CHL1: variants seen among roughly 807,000 people sequenced by gnomAD.
CHL1 encodes the protein neural cell adhesion molecule L1-like protein.
In CHL1, 96 loss-of-function variants were observed where a neutral mutation model predicts 141.9. The observed-to-expected ratio is 0.68, with a 90% CI of 0.57 to 0.80. CHL1 has a LOEUF of 0.80. CHL1 is among the 30% of genes least tolerant of loss of function. CHL1 has a pLI of 0.00. For missense variants in CHL1, 1,820 were observed against 1,457.2 expected, an observed-to-expected ratio of 1.25 and a Z score of -4.05; for synonymous variants, 613 against 502.2, an observed-to-expected ratio of 1.22 and a Z score of -2.95.
At chr3:315,776 G>T (rs142312656) in intron 2 of CHL1, among the ~76,000 whole-genome samples, 82 of 152,140 alleles carry the variant, frequency 5.4e-4, no homozygotes, top group African/African-American at 1.8e-3. Flanking sequence ...GCATTGTCTG[G>T]GGTAAATACC....
At chr3:373,249 C>T (rs375636674) in intron 15 of CHL1, among the ~76,000 whole-genome samples, 4 of 152,228 alleles carry the variant, frequency 2.6e-5, no homozygotes, top group African/African-American at 9.6e-5. Flanking sequence ...CACCCCTCCC[C>T]CTAGGGGCTC....
In CHL1 at chr3:329,163, CT is replaced by C. The variant is rs3836378; in HGVS notation, c.385+810del. ...TTTTATATTTTATCACGTTTTCCCC[CT>C]GTTCTTAATATATCCACCATTACAC... On this transcript the variant is annotated intron_variant, in intron 5 of 27. Coordinates refer to ENST00000256509, the MANE Select transcript of CHL1 (RefSeq NM_006614.4). Among the ~76,000 whole-genome samples the C allele has an allele frequency of 1.5e-3, 228 of 152,086 alleles. 1 individual carries two copies. Among genetic ancestry groups the C allele is most frequent in the African/African-American group, 5.2e-3 (214 of 41,538 alleles).
At chr3:208,903 C>T (rs965771161) in intron 1 of CHL1, among the ~76,000 whole-genome samples, 1 of 152,088 alleles carries the variant, frequency 6.6e-6, no homozygotes, top group African/African-American at 2.4e-5. Flanking sequence ...ATATAGATGT[C>T]CTAAAATATC....
intron 3 of CHL1, among the ~76,000 whole-genome samples, chr3:320,944 C>A (rs1249316632): frequency 6.6e-6 from 1 of 151,924 alleles, no homozygotes; most frequent in Non-Finnish European, 1.5e-5. Context: ...TTTAGCATTG[C>A]AGGTGATATT....
intron 27 of CHL1, among the ~76,000 whole-genome samples, chr3:403,581 CA>C (rs956505009): frequency 7.3e-4 from 111 of 151,434 alleles, no homozygotes; most frequent in African/African-American, 2.4e-3. Context: ...AACAAACAAG[CA>C]AAAAAAAATT....
intron 2 of CHL1, among the ~76,000 whole-genome samples, chr3:255,179 T>G (rs191803659): frequency 1.3e-5 from 2 of 152,320 alleles, no homozygotes; most frequent in Admixed American, 6.5e-5. Flanking sequence ...AATTACAGTC[T>G]CAAACAGTGG....
chr3:257,109 G>A (rs758170768), intron 2 of CHL1, among the ~76,000 whole-genome samples: 5 of 152,090 alleles, frequency 3.3e-5, no homozygotes, highest in Non-Finnish European at 5.9e-5. Context: ...AAATATGGAG[G>A]CATTAGCTTT....
At position 360,748 on chromosome 3, in the gene CHL1, C is replaced by CA. The variant is rs1704164118; in HGVS notation, c.1306+325dup. Among the ~76,000 whole-genome samples the CA allele has an allele frequency of 2.3e-5, 3 of 131,392 alleles. No homozygotes were observed. In the Admixed American group the frequency reaches 2.3e-4, roughly 10 times the overall value. The allele number at this position is 131,392 out of a possible 152,430, so 86.2% of individuals were successfully genotyped here. The stretch of plus-strand genomic sequence containing the variant: ...GATGCTATCCCGCCCCCCCTCCCCC[C>CA]ACCCCACAACAGTCCCCAGAGTGTG... On this transcript the variant is annotated intron_variant, in intron 12 of 27. Coordinates refer to ENST00000256509, the MANE Select transcript of CHL1 (RefSeq NM_006614.4).
chr3:264,145 T>C (rs796585591), intron 2 of CHL1, among the ~76,000 whole-genome samples: 3 of 152,178 alleles, frequency 2.0e-5, no homozygotes, highest in African/African-American at 4.8e-5. Context: ...GTTGAAGGAG[T>C]CTTTTTATGT....
intron 1 of CHL1, among the ~76,000 whole-genome samples, chr3:224,835 T>C (rs1035723133): frequency 2.0e-5 from 3 of 152,198 alleles, no homozygotes; most frequent in African/African-American, 7.2e-5. Context: ...AAGTGGAAAA[T>C]ATCAATTAAA....
intron 3 of CHL1, among the ~76,000 whole-genome samples, chr3:321,783 T>C (rs1187639935): frequency 6.6e-6 from 1 of 152,040 alleles, no homozygotes; most frequent in Non-Finnish European, 1.5e-5. Context: ...TATTCATTTA[T>C]TTCAGGGCTC....
intron 11 of CHL1, among the ~76,000 whole-genome samples, chr3:358,887 A>G (rs1411276764): frequency 6.6e-6 from 1 of 151,062 alleles, no homozygotes; most frequent in Non-Finnish European, 1.5e-5. Context: ...CCTTTAAACT[A>G]AAAATTTTTG....
rs184854216 is a variant in CHL1, at chr3:303,369, C to T, written c.-94-16314C>T. 1.2e-4 allele frequency among the ~76,000 whole-genome samples: 18 copies of T among 152,284 alleles called. No homozygotes were observed. In the East Asian group the frequency reaches 3.1e-3, roughly 26 times the overall value. ...TTTTCACAATATTGATTCTTCCTAT[C>T]CATGAGCATGGAATGCTTTTCTATT... is the stretch of plus-strand genomic sequence containing the variant. On this transcript the variant is annotated intron_variant, in intron 2 of 27. Coordinates refer to ENST00000256509, the MANE Select transcript of CHL1 (RefSeq NM_006614.4).
chr3:322,925 T>G (rs1700714194), intron 3 of CHL1, among the ~76,000 whole-genome samples: 1 of 151,772 alleles, frequency 6.6e-6, no homozygotes, highest in Non-Finnish European at 1.5e-5. Context: ...TGCTTATGAT[T>G]ATAATTGTTG....
At chr3:271,430 C>A (rs552405340) in intron 2 of CHL1, among the ~76,000 whole-genome samples, 2 of 152,188 alleles carry the variant, frequency 1.3e-5, no homozygotes, top group South Asian at 2.1e-4. Flanking sequence ...TAGAGTGAGA[C>A]CCTGTCTCAA....
At chr3:363,479 C>G in intron 14 of CHL1, 96 bp downstream of exon 14, 1 of 1,139,294 alleles carries the variant, frequency 8.8e-7, no homozygotes, top group Non-Finnish European at 1.3e-6. Flanking sequence ...AGTTGGAGTA[C>G]CAGATAAAGT....
In CHL1 at chr3:318,344, G is replaced by A. The variant is rs144306494; in HGVS notation, c.-94-1339G>A. On this transcript the variant is annotated intron_variant, in intron 2 of 27. Transcript: ENST00000256509. ...TAAGTTTAAAGACTTTACTATCTCT[G>A]TGTTAGCTAACTTTTTTCACCAGTT... Among the ~76,000 whole-genome samples, 59 of 151,892 alleles carry A rather than the reference G, an allele frequency of 3.9e-4. 1 individual carries two copies. Among genetic ancestry groups the A allele is most frequent in the African/African-American group, 1.4e-3 (57 of 41,510 alleles).
rs1044002701 is a variant in CHL1, at chr3:343,156, C to T, written c.727+125C>T. 3 of 685,934 alleles carry T rather than the reference C, an allele frequency of 4.4e-6. No homozygotes were observed. The African/African-American group carries it at 5.6e-5, about 13-fold the overall frequency. 42.5% of individuals were successfully genotyped at this position (685,934 alleles called of 1,614,324 possible). On this transcript the variant is annotated intron_variant, in intron 8 of 27. Transcript: ENST00000256509. ...ACTGTTATTATGAAAAACATCTGAA[C>T]TTAGAGGGTTCTATTGCCCCCCATG...
chr3:241,563 C>G (rs182729869), intron 1 of CHL1, among the ~76,000 whole-genome samples: 101 of 149,112 alleles, frequency 6.8e-4, no homozygotes, highest in African/African-American at 2.3e-3. Context: ...GCTGTTTCTC[C>G]TTCCAGTATA....
Sources: allele counts gnomAD v4.1 joint callset (sites outside exome capture counted in the v4.1 genomes callset), GRCh38; gene constraint gnomAD v4.1.1; transcripts MANE v1.5; gene names NCBI Gene and HGNC (gene_info 2026-07-23, HGNC 2026-07-21).